The following CCNY variants were observed in gnomAD, a reference collection of about 807,000 sequenced individuals.
CCNY encodes cyclin Y, also known as cyclin-Y.
CCNY carries 19 observed loss-of-function variants against 42.8 expected under a neutral mutation model. That is an observed-to-expected ratio of 0.44 (90% CI 0.31 to 0.65). The LOEUF (loss-of-function observed/expected upper bound fraction) is 0.65. CCNY is among the 30% of genes least tolerant of loss of function. CCNY has a pLI of 0.07. For missense variants in CCNY, 370 were observed against 437.3 expected (o/e 0.85, Z 1.37); for synonymous variants, 165 against 162.7 (o/e 1.01, Z -0.11).
At chr10:35,413,109 C>G (rs903651158) in intron 1 of CCNY, among the ~76,000 whole-genome samples, 4 of 151,872 alleles carry the variant, frequency 2.6e-5, no homozygotes, top group African/African-American at 9.7e-5. Flanking sequence ...AAGGAAGACA[C>G]CAAGAGGTAA....
chr10:35,437,349 A>T (rs1450438023), intron 1 of CCNY, among the ~76,000 whole-genome samples: 2 of 152,216 alleles, frequency 1.3e-5, no homozygotes, highest in Non-Finnish European at 2.9e-5. Context: ...TAGGATCAAC[A>T]TTCATAGAAC....
chr10:35,436,222 A>G (rs908380216), intron 1 of CCNY, among the ~76,000 whole-genome samples: 1 of 152,170 alleles, frequency 6.6e-6, no homozygotes, highest in Non-Finnish European at 1.5e-5. Flanking sequence ...CGCCTTTTGG[A>G]AAGGCAGGGC....
chr10:35,393,210 T>C (rs1022194566), intron 1 of CCNY, among the ~76,000 whole-genome samples: 5 of 152,222 alleles, frequency 3.3e-5, no homozygotes, highest in African/African-American at 1.2e-4. Context: ...ATTTTTTCTT[T>C]TACACAGATC....
chr10:35,392,899 C>T (rs1837444085), intron 1 of CCNY, among the ~76,000 whole-genome samples: 1 of 152,096 alleles, frequency 6.6e-6, no homozygotes, highest in Non-Finnish European at 1.5e-5. Context: ...TTGACTAGGC[C>T]TTTTTCTTGG....
chr10:35,484,976 G>A (rs540606268), intron 2 of CCNY, among the ~76,000 whole-genome samples: 16 of 152,124 alleles, frequency 1.1e-4, no homozygotes, highest in Admixed American at 5.2e-4. Context: ...ATCTTCCCTC[G>A]TCACCTTTGC....
At chr10:35,475,090 A>G (rs2135351587) in intron 1 of CCNY, among the ~76,000 whole-genome samples, 1 of 152,340 alleles carries the variant, frequency 6.6e-6, no homozygotes, top group South Asian at 2.1e-4. Flanking sequence ...TTTAGAGAAA[A>G]AAGAATAAAA....
chr10:35,335,080 C>T (rs71487400), upstream of CCNY, among the ~76,000 whole-genome samples: 2 of 147,444 alleles, frequency 1.4e-5, no homozygotes, highest in East Asian at 2.0e-4. Flanking sequence ...CCCCACCCCA[C>T]AAGACTCTCC....
At chr10:35,254,736 G>A (rs925468007) in intron 3 of CCNY, among the ~76,000 whole-genome samples, 9 of 150,890 alleles carry the variant, frequency 6.0e-5, no homozygotes, top group African/African-American at 2.2e-4. Flanking sequence ...GTTGATGTGG[G>A]AGGATCACCT....
At chr10:35,350,072 G>A (rs960017945) in intron 1 of CCNY, among the ~76,000 whole-genome samples, 1 of 152,134 alleles carries the variant, frequency 6.6e-6, no homozygotes, top group Admixed American at 6.5e-5. Flanking sequence ...AAAGGGCTGC[G>A]TTGTTCCTTT....
intron 1 of CCNY, chr10:35,347,456 A>G (rs1477479992): frequency 5.1e-6 from 5 of 982,062 alleles, no homozygotes; most frequent in African/African-American, 3.5e-5. Flanking sequence ...AATACTCTGC[A>G]TGGGAGTTCT....
intron 3 of CCNY, among the ~76,000 whole-genome samples, chr10:35,298,425 A>G (rs1464841098): frequency 1.3e-5 from 2 of 152,280 alleles, no homozygotes; most frequent in East Asian, 3.9e-4. Context: ...TATACTCTTT[A>G]TGTCTGGCCT....
chr10:35,439,097 T>C (rs1838606248), intron 1 of CCNY, among the ~76,000 whole-genome samples: 1 of 152,226 alleles, frequency 6.6e-6, no homozygotes, highest in Admixed American at 6.5e-5. Flanking sequence ...TTTCTGTCTT[T>C]AGTTTTTCAA....
intron 8 of CCNY, among the ~76,000 whole-genome samples, chr10:35,553,500 G>T (rs1841303054): frequency 6.6e-6 from 1 of 152,132 alleles, no homozygotes; most frequent in South Asian, 2.1e-4. Flanking sequence ...GCCTGTGATG[G>T]TTTATATTTG....
Position 35,288,440 on chromosome 10 carries a change from A to AT in CCNY, c.-9+37821dup, listed in dbSNP as rs572515795. ...ATTTGTCATATATATGTATATATGT[A>AT]TTTTTTTCTACAGTCTGTGGCTTGC... On this transcript the variant is annotated intron_variant, in intron 3 of 11. Coordinates refer to the CCNY transcript ENST00000374706. 1.9e-3 allele frequency among the ~76,000 whole-genome samples: 291 copies of AT among 152,074 alleles called. 1 individual carries two copies. Among genetic ancestry groups the AT allele is most frequent in the African/African-American group, 6.6e-3 (273 of 41,500 alleles).
chr10:35,471,227 C>T (rs932500470), intron 1 of CCNY, among the ~76,000 whole-genome samples: 1 of 151,416 alleles, frequency 6.6e-6, no homozygotes, highest in African/African-American at 2.4e-5. Context: ...CAGTTTGGGG[C>T]GTGGCAGTGC....
chr10:35,513,437 T>A (rs966606047), intron 3 of CCNY, among the ~76,000 whole-genome samples: 2 of 152,190 alleles, frequency 1.3e-5, no homozygotes, highest in Non-Finnish European at 2.9e-5. Context: ...AGACATTTCC[T>A]TTTATGGTTT....
chr10:35,476,010 T>C (rs1180385230), intron 1 of CCNY, among the ~76,000 whole-genome samples: 1 of 152,074 alleles, frequency 6.6e-6, no homozygotes, highest in Non-Finnish European at 1.5e-5. Context: ...TAAAACAGAC[T>C]TTAAACCAAC....
intron 1 of CCNY, among the ~76,000 whole-genome samples, chr10:35,390,467 C>T (rs1315548194): frequency 6.6e-6 from 1 of 152,188 alleles, no homozygotes; most frequent in Non-Finnish European, 1.5e-5. Context: ...CTAAAGAAAA[C>T]AACAGATTTT....
chr10:35,391,071 C>T (rs1353690135), intron 1 of CCNY, among the ~76,000 whole-genome samples: 3 of 152,168 alleles, frequency 2.0e-5, no homozygotes, highest in African/African-American at 7.2e-5. Flanking sequence ...TTCCCCAGTG[C>T]CGCAAAGAAA....
Sources: allele counts gnomAD v4.1 joint callset (sites outside exome capture counted in the v4.1 genomes callset), GRCh38; gene constraint gnomAD v4.1.1; transcripts MANE v1.5; gene names NCBI Gene and HGNC (gene_info 2026-07-23, HGNC 2026-07-21).